The following CTDSPL variants were observed in gnomAD, a reference collection of about 807,000 sequenced individuals.
The protein encoded by CTDSPL is CTD small phosphatase like, also known as CTD small phosphatase-like protein.
A neutral mutation model predicts 30.5 loss-of-function variants in CTDSPL; 8 were observed. The ratio of observed to expected loss-of-function variants is 0.26; its 90% CI spans 0.15 to 0.47. The LOEUF is 0.47. CTDSPL is among the 20% of genes least tolerant of loss of function. CTDSPL has a pLI of 0.99. For synonymous variants in CTDSPL, 110 were observed against 137.9 expected (o/e 0.80, Z 1.42); for missense variants, 248 against 366.1 (o/e 0.68, Z 2.63).
intron 1 of CTDSPL, among the ~76,000 whole-genome samples, chr3:37,901,089 G>T (rs116808676): frequency 6.6e-6 from 1 of 152,158 alleles, no homozygotes; most frequent in East Asian, 1.9e-4. Flanking sequence ...GAGCCACCAC[G>T]TACAGCCTGA....
intron 1 of CTDSPL, among the ~76,000 whole-genome samples, chr3:37,891,647 ATC>A (rs1236429588): frequency 6.6e-6 from 1 of 152,234 alleles, no homozygotes; most frequent in African/African-American, 2.4e-5. Context: ...TAAAAAGAAT[ATC>A]TTTCATTTTT....
chr3:37,982,389 G>A lies in CTDSPL; in HGVS notation c.*1522G>A, dbSNP rs1699502000. The A allele has an allele frequency of 2.7e-6, 1 of 370,532 alleles. No individual in the cohort carries two copies. Among genetic ancestry groups the A allele is most frequent in the Middle Eastern group, 3.8e-4 (1 of 2,614 alleles). 23.0% of individuals were successfully genotyped at this position (370,532 alleles called of 1,614,324 possible). ...ATGTTCCTTGTTTGACAACAAGACA[G>A]TCTGTAAAGTATTGCTCTTAAAAAC... is the stretch of plus-strand genomic sequence containing the variant. On this transcript the variant is annotated 3_prime_UTR_variant, in exon 8 of 8. Coordinates refer to ENST00000273179, the MANE Select transcript of CTDSPL (RefSeq NM_001008392.2).
chr3:37,964,169 A>T (rs1322997422), intron 3 of CTDSPL, among the ~76,000 whole-genome samples: 1 of 151,264 alleles, frequency 6.6e-6, no homozygotes, highest in Non-Finnish European at 1.5e-5. Context: ...GACAGTACCT[A>T]TTATAATTAA....
chr3:37,873,726 G>A (rs945009636), intron 1 of CTDSPL, among the ~76,000 whole-genome samples: 1 of 152,136 alleles, frequency 6.6e-6, no homozygotes, highest in Non-Finnish European at 1.5e-5. Context: ...TCAATATTAT[G>A]CTAATGACTG....
chr3:37,965,843 CTTGTT>C (rs1699293772), intron 4 of CTDSPL, among the ~76,000 whole-genome samples: 2 of 152,166 alleles, frequency 1.3e-5, no homozygotes, highest in Admixed American at 1.3e-4. Flanking sequence ...GAGAAATTGC[CTTGTT>C]CTGGCTACTG....
chr3:37,889,010 C>G (rs1431408174), intron 1 of CTDSPL, among the ~76,000 whole-genome samples: 1 of 152,170 alleles, frequency 6.6e-6, no homozygotes, highest in Non-Finnish European at 1.5e-5. Flanking sequence ...AATCTTACCT[C>G]TGGGTCTTTT....
chr3:37,971,360 C>T, intron 5 of CTDSPL, 47 bp from the exon 6 acceptor site: 1 of 1,568,664 alleles, frequency 6.4e-7, no homozygotes, highest in Non-Finnish European at 8.7e-7. Context: ...CAGGCCATCC[C>T]CAGCAACTGC....
chr3:37,946,250 G>A (rs1434424798), intron 1 of CTDSPL, among the ~76,000 whole-genome samples: 1 of 152,212 alleles, frequency 6.6e-6, no homozygotes, highest in Non-Finnish European at 1.5e-5. Context: ...CTGACTTGTG[G>A]CAGCTTGTCG....
intron 1 of CTDSPL, among the ~76,000 whole-genome samples, chr3:37,874,836 A>G (rs1482772910): frequency 6.6e-6 from 1 of 152,186 alleles, no homozygotes. Context: ...GGGAAGCAGC[A>G]TCTAGCTATT....
Position 37,983,669 on chromosome 3 carries a change from A to G in CTDSPL, c.*2802A>G, listed in dbSNP as rs1373792182. 1 of 153,476 alleles carries G rather than the reference A, an allele frequency of 6.5e-6. No homozygotes were observed. Among genetic ancestry groups the G allele is most frequent in the Non-Finnish European group, 1.5e-5 (1 of 68,788 alleles). The allele number at this position is 153,476 out of a possible 1,614,324, so 9.5% of individuals were successfully genotyped here. A position where few individuals can be genotyped will look rare whatever the true frequency, so the allele number is the denominator to read the frequency against. The stretch of plus-strand genomic sequence containing the variant: ...TTGGGTTTGTGGACTGCAGCCCACT[A>G]TGATGTTATTACTTCTCTGGCCAGG... On this transcript the variant is annotated 3_prime_UTR_variant, in exon 8 of 8. Transcript: ENST00000273179.
In CTDSPL at chr3:37,862,886, C is replaced by G. The variant is rs1183530653; in HGVS notation, c.79+608C>G. 6.6e-6 allele frequency among the ~76,000 whole-genome samples: 1 copy of G among 152,094 alleles called. No homozygotes were observed. Among genetic ancestry groups the G allele is most frequent in the African/African-American group, 2.4e-5 (1 of 41,402 alleles). ...TGTATGATTGTGTGACTACACCACC[C>G]AACTGGCGGATTGAATGTGTTGTAT... On this transcript the variant is annotated intron_variant, in intron 1 of 7. Coordinates refer to ENST00000273179, the MANE Select transcript of CTDSPL (RefSeq NM_001008392.2). This position sits in a 1 kb window ranked among gnomAD's most constrained non-coding sequence, Gnocchi z 4.3.
At chr3:37,877,033 G>C (rs1326099457) in intron 1 of CTDSPL, among the ~76,000 whole-genome samples, 1 of 150,526 alleles carries the variant, frequency 6.6e-6, no homozygotes, top group Non-Finnish European at 1.5e-5. Flanking sequence ...TTGAACCCAG[G>C]AGGCAAAGGT....
chr3:37,871,551 C>T (rs1255194256), intron 1 of CTDSPL, among the ~76,000 whole-genome samples: 6 of 152,148 alleles, frequency 3.9e-5, no homozygotes, highest in African/African-American at 1.4e-4. Flanking sequence ...TCCAAAGTGG[C>T]CCTACCATCT....
intron 7 of CTDSPL, among the ~76,000 whole-genome samples, chr3:37,979,968 C>T (rs958216632): frequency 1.3e-5 from 2 of 152,192 alleles, no homozygotes; most frequent in Non-Finnish European, 2.9e-5. Flanking sequence ...CTCCCCATCC[C>T]CTAGGCGTAG....
chr3:37,939,339 G>A (rs772158463), intron 1 of CTDSPL, among the ~76,000 whole-genome samples: 9 of 150,120 alleles, frequency 6.0e-5, no homozygotes, highest in African/African-American at 1.7e-4. Context: ...GAGGTCACAC[G>A]GGCTAACAAG....
At chr3:37,877,022 C>T (rs993478607) in intron 1 of CTDSPL, among the ~76,000 whole-genome samples, 12 of 150,928 alleles carry the variant, frequency 8.0e-5, no homozygotes, top group East Asian at 1.9e-4. Flanking sequence ...AGGAGAATCG[C>T]TTGAACCCAG....
chr3:37,931,439 G>GC, intron 1 of CTDSPL, among the ~76,000 whole-genome samples: 1 of 152,090 alleles, frequency 6.6e-6, no homozygotes, highest in Non-Finnish European at 1.5e-5. Context: ...ATAGATGTGA[G>GC]CCATCACACC....
rs1222992056 is a variant in CTDSPL, at chr3:37,983,664, C to T, written c.*2797C>T. ...ACACCTTGGGTTTGTGGACTGCAGC[C>T]CACTATGATGTTATTACTTCTCTGG... On this transcript the variant is annotated 3_prime_UTR_variant, in exon 8 of 8. Coordinates refer to ENST00000273179, the MANE Select transcript of CTDSPL (RefSeq NM_001008392.2). The T allele has an allele frequency of 6.5e-6, 1 of 152,990 alleles. No homozygotes were observed. Among genetic ancestry groups the T allele is most frequent in the Non-Finnish European group, 1.5e-5 (1 of 68,538 alleles). 9.5% of individuals were successfully genotyped at this position (152,990 alleles called of 1,614,324 possible).
At chr3:37,918,118 C>A (rs966979524) in intron 1 of CTDSPL, among the ~76,000 whole-genome samples, 1 of 152,124 alleles carries the variant, frequency 6.6e-6, no homozygotes, top group Non-Finnish European at 1.5e-5. Context: ...CTAAATAAAC[C>A]CAGTTACGTG....
Sources: gnomAD v4.1 joint callset for allele counts (sites outside exome capture counted in the v4.1 genomes callset) on GRCh38, gnomAD v4.1.1 for gene constraint, Gnocchi (gnomAD v3.1) non-coding constraint, MANE v1.5 for transcripts, NCBI Gene and HGNC (gene_info 2026-07-23, HGNC 2026-07-21) for gene names.